Variants in PABPC4L observed in about 807,000 individuals in gnomAD.
PABPC4L encodes polyadenylate-binding protein 4-like.
For missense variants in PABPC4L, 452 were observed against 451.4 expected (o/e 1.00, Z -0.01); for synonymous variants, 169 against 164.1 (o/e 1.03, Z -0.23).
the PABPC4L span, among the ~76,000 whole-genome samples, chr4:134,011,859 G>A: frequency 1.3e-5 from 2 of 152,114 alleles, no homozygotes; most frequent in African/African-American, 2.4e-5. Context: ...AGGATGGAAA[G>A]CTATTTACAC....
At chr4:134,003,287 T>C in the PABPC4L span, among the ~76,000 whole-genome samples, 2 of 151,934 alleles carry the variant, frequency 1.3e-5, no homozygotes, top group East Asian at 3.9e-4. Flanking sequence ...AACACTTACA[T>C]TTTTTCCAAC....
At chr4:133,973,249 AAAAC>A in the PABPC4L span, among the ~76,000 whole-genome samples, 8 of 151,670 alleles carry the variant, frequency 5.3e-5, no homozygotes, top group African/African-American at 2.0e-4. Context: ...AGATCTTCTA[AAAAC>A]AAACAAAGAA....
the PABPC4L span, among the ~76,000 whole-genome samples, chr4:134,006,776 C>T: frequency 3.9e-5 from 6 of 151,974 alleles, no homozygotes; most frequent in Non-Finnish European, 8.8e-5. Flanking sequence ...ATATTTTACT[C>T]ATCATCTCTC....
At chr4:134,189,213 T>C in the PABPC4L span, among the ~76,000 whole-genome samples, 1 of 152,142 alleles carries the variant, frequency 6.6e-6, no homozygotes, top group Non-Finnish European at 1.5e-5. Context: ...ACTTTTTCCA[T>C]TAGAGCCCTT....
At chr4:134,156,682 A>G in the PABPC4L span, among the ~76,000 whole-genome samples, 7 of 151,876 alleles carry the variant, frequency 4.6e-5, no homozygotes, top group Non-Finnish European at 8.8e-5. Context: ...TACTAGATCT[A>G]TATATAAATC....
chr4:134,175,479 C>T, the PABPC4L span, among the ~76,000 whole-genome samples: 3 of 151,658 alleles, frequency 2.0e-5, no homozygotes, highest in Non-Finnish European at 4.4e-5. Context: ...GACAGGGTCT[C>T]GCTCTGTCGC....
chr4:134,008,825 C>T, the PABPC4L span, among the ~76,000 whole-genome samples: 15 of 151,762 alleles, frequency 9.9e-5, no homozygotes, highest in South Asian at 3.1e-3. Context: ...GACAAAGGTG[C>T]TCTTACCAAT....
At chr4:134,044,101 T>C in the PABPC4L span, among the ~76,000 whole-genome samples, 1 of 151,884 alleles carries the variant, frequency 6.6e-6, no homozygotes, top group African/African-American at 2.4e-5. Flanking sequence ...ACAGCCATGC[T>C]AATTTTTTTG....
chr4:133,973,644 C>A, the PABPC4L span, among the ~76,000 whole-genome samples: 1 of 152,094 alleles, frequency 6.6e-6, no homozygotes, highest in African/African-American at 2.4e-5. Context: ...CCCAAAACTC[C>A]ACATCACAGG....
chr4:134,184,210 C>A, the PABPC4L span, among the ~76,000 whole-genome samples: 5 of 151,782 alleles, frequency 3.3e-5, no homozygotes, highest in Admixed American at 3.3e-4. Context: ...ATTTATGGCA[C>A]TATATCATTT....
At chr4:134,139,456 T>C in the PABPC4L span, among the ~76,000 whole-genome samples, 1 of 151,950 alleles carries the variant, frequency 6.6e-6, no homozygotes, top group Non-Finnish European at 1.5e-5. Flanking sequence ...AACCAGCTTA[T>C]AAGTGAAAAG....
At chr4:134,108,062 A>G in the PABPC4L span, among the ~76,000 whole-genome samples, 7 of 151,710 alleles carry the variant, frequency 4.6e-5, no homozygotes, top group Non-Finnish European at 1.0e-4. Flanking sequence ...AAGTCCATTA[A>G]AAAGTAAATA....
chr4:134,075,259 T>C, the PABPC4L span, among the ~76,000 whole-genome samples: 2 of 152,080 alleles, frequency 1.3e-5, no homozygotes, highest in Non-Finnish European at 2.9e-5. Flanking sequence ...TGAGGGTTGA[T>C]GGTAAATGTT....
At chr4:134,060,485 C>G in the PABPC4L span, among the ~76,000 whole-genome samples, 22 of 151,608 alleles carry the variant, frequency 1.5e-4, no homozygotes, top group East Asian at 4.1e-3. Flanking sequence ...GGACCTTTGT[C>G]TTGAATCTTG....
chr4:134,193,968 G>A (rs2126195212), downstream of PABPC4L, among the ~76,000 whole-genome samples: 1 of 151,998 alleles, frequency 6.6e-6, no homozygotes, highest in South Asian at 2.1e-4. Context: ...CCTGTATAGT[G>A]AAAGATACCT....
the PABPC4L span, among the ~76,000 whole-genome samples, chr4:134,073,651 C>T: frequency 2.1e-3 from 318 of 152,322 alleles, 1 homozygote; most frequent in Non-Finnish European, 3.2e-3. Context: ...CAGAGGTTCT[C>T]CATGAGGGCT....
the PABPC4L span, among the ~76,000 whole-genome samples, chr4:134,113,846 T>A: frequency 6.6e-6 from 1 of 151,564 alleles, no homozygotes; most frequent in East Asian, 2.0e-4. Flanking sequence ...AGAGAGAAGG[T>A]CATTTTCAAG....
chr4:133,973,087 G>A, the PABPC4L span, among the ~76,000 whole-genome samples: 1 of 152,134 alleles, frequency 6.6e-6, no homozygotes, highest in Non-Finnish European at 1.5e-5. Flanking sequence ...TATCTAGGTA[G>A]CCAACAAGTT....
chr4:134,153,810 G>GT, the PABPC4L span, among the ~76,000 whole-genome samples: 1,066 of 77,600 alleles, frequency 0.014, 71 homozygotes, highest in African/African-American at 0.028. Flanking sequence ...CCTATGCCTA[G>GT]TTTTTTTTTT....
Sources: gnomAD v4.1 joint callset for allele counts (sites outside exome capture counted in the v4.1 genomes callset) on GRCh38, gnomAD v4.1.1 for gene constraint, MANE v1.5 for transcripts, NCBI Gene and HGNC (gene_info 2026-07-23, HGNC 2026-07-21) for gene names.